The following FHIT variants were observed in gnomAD, a reference collection of about 807,000 sequenced individuals.
The protein encoded by FHIT is fragile histidine triad diadenosine triphosphatase.
In FHIT, 19 loss-of-function variants were observed where a neutral mutation model predicts 17.9. The ratio of observed to expected loss-of-function variants is 1.06; its 90% CI spans 0.74 to 1.56. The LOEUF (loss-of-function observed/expected upper bound fraction) is 1.56. FHIT is among the 40% of genes most tolerant of loss of function. The pLI, the probability that FHIT is intolerant of heterozygous loss-of-function variation, is 0.00. For synonymous variants in FHIT, 81 were observed against 69.7 expected (o/e 1.16, Z -0.81); for missense variants, 248 against 189.2 (o/e 1.31, Z -1.82).
intron 5 of FHIT, among the ~76,000 whole-genome samples, chr3:60,442,823 G>C (rs1032433715): frequency 1.3e-5 from 2 of 152,154 alleles, no homozygotes; most frequent in Admixed American, 1.3e-4. Flanking sequence ...GTCATTGGTA[G>C]CTTGATGGGG....
At chr3:60,218,518 A>G (rs1299310419) in intron 5 of FHIT, among the ~76,000 whole-genome samples, 1 of 152,168 alleles carries the variant, frequency 6.6e-6, no homozygotes, top group African/African-American at 2.4e-5. Context: ...AACAAATGTT[A>G]TCTTTAATAA....
At chr3:60,610,051 A>G (rs147537973) in intron 4 of FHIT, among the ~76,000 whole-genome samples, 134 of 152,354 alleles carry the variant, frequency 8.8e-4, no homozygotes, top group African/African-American at 3.0e-3. Flanking sequence ...AGCTGTAGCT[A>G]GAGACCACAC....
chr3:60,326,330 G>T (rs1422571639), intron 5 of FHIT, among the ~76,000 whole-genome samples: 1 of 152,098 alleles, frequency 6.6e-6, no homozygotes, highest in Non-Finnish European at 1.5e-5. Context: ...CCATCTGGGG[G>T]TGATGGGAGA....
intron 3 of FHIT, among the ~76,000 whole-genome samples, chr3:60,943,705 T>C (rs1708511899): frequency 6.6e-6 from 1 of 152,194 alleles, no homozygotes; most frequent in Non-Finnish European, 1.5e-5. Flanking sequence ...AAGTACTGCA[T>C]ACCATAGCAA....
chr3:60,642,647 AAAGAG>A (rs1553685644), intron 4 of FHIT, among the ~76,000 whole-genome samples: 2 of 152,200 alleles, frequency 1.3e-5, no homozygotes, highest in Admixed American at 6.5e-5. Context: ...TCACTCTGCG[AAAGAG>A]AAGAGTTCAG....
intron 5 of FHIT, among the ~76,000 whole-genome samples, chr3:60,392,488 A>G (rs575602476): frequency 1.3e-5 from 2 of 152,326 alleles, no homozygotes; most frequent in Admixed American, 1.3e-4. Context: ...CTGAAGAGGA[A>G]GAAGGACTGA....
At chr3:60,304,910 A>G (rs1001061164) in intron 5 of FHIT, among the ~76,000 whole-genome samples, 14 of 152,300 alleles carry the variant, frequency 9.2e-5, no homozygotes, top group African/African-American at 3.1e-4. Context: ...CTATAAAAAT[A>G]AAATGCCAAG....
chr3:60,124,009 TAG>T (rs1168094593), intron 5 of FHIT, among the ~76,000 whole-genome samples: 58 of 12,142 alleles, frequency 4.8e-3, no homozygotes, highest in East Asian at 0.02. Context: ...TATATATATA[TAG>T]AGAGAGAGAG....
At chr3:60,367,742 T>G (rs1263287943) in intron 5 of FHIT, among the ~76,000 whole-genome samples, 3 of 152,196 alleles carry the variant, frequency 2.0e-5, no homozygotes, top group African/African-American at 7.2e-5. Flanking sequence ...AACAAATGTA[T>G]ACACACATAC....
At chr3:60,045,906 G>T (rs1179272872) in intron 5 of FHIT, among the ~76,000 whole-genome samples, 1 of 152,158 alleles carries the variant, frequency 6.6e-6, no homozygotes, top group African/African-American at 2.4e-5. Flanking sequence ...GCAGGAGTCT[G>T]CCCTGTCCAT....
intron 4 of FHIT, among the ~76,000 whole-genome samples, chr3:60,787,827 C>T (rs1181073157): frequency 6.6e-6 from 1 of 152,206 alleles, no homozygotes; most frequent in Non-Finnish European, 1.5e-5. Flanking sequence ...ATCTCTCATA[C>T]TGTAAACAAG....
chr3:60,216,994 A>G (rs71313754), intron 5 of FHIT, among the ~76,000 whole-genome samples: 2,474 of 152,332 alleles, frequency 0.016, 38 homozygotes, highest in South Asian at 0.058. Context: ...GAATATAAAA[A>G]TGAGCAAAAG....
At chr3:59,909,376 C>A (rs1190269538) in intron 8 of FHIT, among the ~76,000 whole-genome samples, 1 of 151,262 alleles carries the variant, frequency 6.6e-6, no homozygotes, top group African/African-American at 2.4e-5. Flanking sequence ...GTCACCCAGG[C>A]TAGAATGCAG....
chr3:61,155,371 T>C (rs1430990786), intron 2 of FHIT, among the ~76,000 whole-genome samples: 1 of 152,138 alleles, frequency 6.6e-6, no homozygotes, highest in Non-Finnish European at 1.5e-5. Flanking sequence ...GGTAGATTAA[T>C]TTTTTTAATT....
intron 5 of FHIT, among the ~76,000 whole-genome samples, chr3:60,035,473 G>A (rs1201805281): frequency 2.0e-5 from 3 of 152,138 alleles, no homozygotes; most frequent in Non-Finnish European, 2.9e-5. Context: ...CCTTGCCTTG[G>A]CCTCCCAAAG....
chr3:59,834,871 C>A (rs34499848), intron 8 of FHIT, among the ~76,000 whole-genome samples: 228 of 152,234 alleles, frequency 1.5e-3, no homozygotes, highest in Admixed American at 4.8e-3. Context: ...ATCTTTCCTG[C>A]CTATATAAAA....
intron 3 of FHIT, among the ~76,000 whole-genome samples, chr3:60,993,381 C>T (rs1450768033): frequency 6.6e-6 from 1 of 152,170 alleles, no homozygotes; most frequent in Non-Finnish European, 1.5e-5. Context: ...GGCTTGAGCA[C>T]CTTTATTGCA....
At chr3:59,878,660 T>A (rs1293151778) in intron 8 of FHIT, among the ~76,000 whole-genome samples, 2 of 152,120 alleles carry the variant, frequency 1.3e-5, no homozygotes, top group Non-Finnish European at 2.9e-5. Flanking sequence ...GAAGAGAAAG[T>A]GCAAGAAAAA....
intron 5 of FHIT, among the ~76,000 whole-genome samples, chr3:60,487,809 T>C (rs1333165638): frequency 1.3e-5 from 2 of 152,200 alleles, no homozygotes; most frequent in African/African-American, 4.8e-5. Context: ...CACCTATTTA[T>C]ACAGCAATCT....
Sources: allele counts gnomAD v4.1 joint callset (sites outside exome capture counted in the v4.1 genomes callset), GRCh38; gene constraint gnomAD v4.1.1; transcripts MANE v1.5; gene names NCBI Gene and HGNC (gene_info 2026-07-23, HGNC 2026-07-21).